The following PLD1 variants were observed in gnomAD, a reference collection of about 807,000 sequenced individuals.
PLD1 encodes phospholipase D1.
In PLD1, 112 loss-of-function variants were observed where a neutral mutation model predicts 137.1. The observed-to-expected ratio is 0.82, with a 90% CI of 0.70 to 0.96. The LOEUF is 0.96. Ranked by LOEUF, PLD1 falls within the 40% of genes least tolerant of loss-of-function variation. The pLI, the probability that PLD1 is intolerant of heterozygous loss-of-function variation, is 0.00. For missense variants in PLD1, 1,321 were observed against 1,342.0 expected (o/e 0.98, Z 0.24); for synonymous variants, 431 against 454.7 (o/e 0.95, Z 0.66).
intron 1 of PLD1, among the ~76,000 whole-genome samples, chr3:171,782,341 A>G (rs1234309450): frequency 1.3e-5 from 2 of 152,202 alleles, no homozygotes; most frequent in Non-Finnish European, 2.9e-5. Flanking sequence ...GAGGTGGTAC[A>G]TGCATTTTTC....
At chr3:171,746,983 G>T (rs1160196747) in intron 1 of PLD1, among the ~76,000 whole-genome samples, 2 of 152,162 alleles carry the variant, frequency 1.3e-5, no homozygotes, top group Non-Finnish European at 2.9e-5. Context: ...CATGGCAAAG[G>T]TCTGCAGTTT....
chr3:171,612,208 G>T lies in PLD1; in HGVS notation c.2882+71C>A. 7.0e-7 allele frequency: 1 copy of T among 1,432,246 alleles called. No homozygotes were observed. The highest frequency in any genetic ancestry group is 9.8e-7 in the Non-Finnish European group (1 of 1,025,478). 88.7% of individuals were successfully genotyped at this position (1,432,246 alleles called of 1,614,324 possible). On this transcript the variant is annotated intron_variant, in intron 25 of 26. Transcript: ENST00000351298. The surrounding 1 kb of genome is among the most constrained non-coding windows in gnomAD (Gnocchi z 4.1). ...ACCTAGGATGACCCATGTGCTCAGGGCTAGCGGGGCTGGGTCCCAGCGACT... is the reference window on the plus strand; with the variant it reads ...ACCTAGGATGACCCATGTGCTCAGGTCTAGCGGGGCTGGGTCCCAGCGACT...
chr3:171,795,174 G>T (rs1407736100), intron 1 of PLD1, among the ~76,000 whole-genome samples: 1 of 152,142 alleles, frequency 6.6e-6, no homozygotes, highest in African/African-American at 2.4e-5. Context: ...GTTCCATGAA[G>T]AATTTAACCA....
chr3:171,734,144 CTA>C (rs1296716011), intron 5 of PLD1, among the ~76,000 whole-genome samples: 1 of 152,152 alleles, frequency 6.6e-6, no homozygotes, highest in Non-Finnish European at 1.5e-5. Flanking sequence ...TAAACCAAAA[CTA>C]TATAATTTTA....
intron 1 of PLD1, among the ~76,000 whole-genome samples, chr3:171,769,590 AG>A (rs1322483329): frequency 2.6e-5 from 4 of 152,236 alleles, no homozygotes; most frequent in Admixed American, 2.6e-4. Flanking sequence ...CTACAGAGGC[AG>A]GGGCAATAAC....
chr3:171,695,121 C>A (rs749481), intron 12 of PLD1, among the ~76,000 whole-genome samples: 6,344 of 152,100 alleles, frequency 0.042, 426 homozygotes, highest in African/African-American at 0.14. Context: ...CCATAAAGGG[C>A]AAAGGCGAAT....
At chr3:171,728,338 C>T (rs936205607) in intron 6 of PLD1, among the ~76,000 whole-genome samples, 5 of 151,958 alleles carry the variant, frequency 3.3e-5, no homozygotes, top group African/African-American at 1.2e-4. Flanking sequence ...AAACAAAAAA[C>T]ACCTCAAGGT....
At chr3:171,767,248 G>T (rs56103027) in intron 1 of PLD1, among the ~76,000 whole-genome samples, 53,823 of 152,022 alleles carry the variant, frequency 0.35, 10,235 homozygotes, top group Middle Eastern at 0.62. Context: ...TCTCCATACG[G>T]CCTGGCCACT....
At chr3:171,785,561 C>T (rs1295432676) in intron 1 of PLD1, among the ~76,000 whole-genome samples, 1 of 152,106 alleles carries the variant, frequency 6.6e-6, no homozygotes, top group Non-Finnish European at 1.5e-5. Flanking sequence ...CCCTCAGCCT[C>T]CCGAGTAGCT....
intron 1 of PLD1, among the ~76,000 whole-genome samples, chr3:171,747,056 C>CT (rs1159554438): frequency 1.3e-5 from 2 of 152,034 alleles, no homozygotes; most frequent in African/African-American, 4.8e-5. Context: ...AGACGCGCCA[C>CT]TTTAAGAGCT....
At position 171,686,706 on chromosome 3, in the gene PLD1, C is replaced by T; in HGVS notation, c.1846G>A (p.Gly616Arg). 1.3e-6 allele frequency: 2 copies of T among 1,591,830 alleles called. No homozygotes were observed. The highest frequency in any genetic ancestry group is 2.2e-5 in the East Asian group (1 of 44,746). ...LFHPSSESEQ[G>R]LTRPHADTGS... ...TTACCAGCATGAGGTCTAGTGAGTC[C>T]TTGCTCAGACTCACTGGACGGGTGA... The change falls in exon 16 of 27, where the codon GGA (glycine) becomes AGA (arginine). Residue 616 changes from glycine to arginine, a missense_variant. Physicochemically the swap from Gly to Arg is moderately radical, Grantham distance 125. Transcript: ENST00000351298.
At chr3:171,736,522 G>T (rs1222003426) in intron 3 of PLD1, among the ~76,000 whole-genome samples, 1 of 152,158 alleles carries the variant, frequency 6.6e-6, no homozygotes. Context: ...GTATCAGGGA[G>T]ACATGGACCC....
chr3:171,810,179 G>T (rs1724056271), intron 1 of PLD1, among the ~76,000 whole-genome samples: 1 of 152,254 alleles, frequency 6.6e-6, no homozygotes, highest in African/African-American at 2.4e-5. Flanking sequence ...TGCCAGAGTT[G>T]TCAGCTTTCA....
At chr3:171,694,090 A>C (rs547265630) in intron 12 of PLD1, among the ~76,000 whole-genome samples, 2 of 152,206 alleles carry the variant, frequency 1.3e-5, no homozygotes, top group South Asian at 4.1e-4. Flanking sequence ...TAATAACACA[A>C]CACTTCAAAA....
chr3:171,804,136 A>T (rs1303302181), intron 1 of PLD1, among the ~76,000 whole-genome samples: 1 of 152,044 alleles, frequency 6.6e-6, no homozygotes, highest in East Asian at 1.9e-4. Context: ...GTATCTTCAG[A>T]GGACCACTGC....
At chr3:171,655,872 T>C (rs1244151897) in intron 21 of PLD1, among the ~76,000 whole-genome samples, 1 of 152,176 alleles carries the variant, frequency 6.6e-6, no homozygotes, top group Non-Finnish European at 1.5e-5. Context: ...AAAATGTGTC[T>C]GTCAAAAAAA....
At chr3:171,795,207 C>G (rs2108354161) in intron 1 of PLD1, among the ~76,000 whole-genome samples, 1 of 152,348 alleles carries the variant, frequency 6.6e-6, no homozygotes, top group South Asian at 2.1e-4. Flanking sequence ...TGCAAACTGA[C>G]AGGCCCACTC....
At chr3:171,634,690 C>G (rs2108343992) in intron 23 of PLD1, among the ~76,000 whole-genome samples, 1 of 152,252 alleles carries the variant, frequency 6.6e-6, no homozygotes. Flanking sequence ...TATACATGTA[C>G]TAAAAACTTG....
chr3:171,792,728 G>A, intron 1 of PLD1: 1 of 456,606 alleles, frequency 2.2e-6, no homozygotes, highest in Non-Finnish European at 4.4e-6. Flanking sequence ...TTTCTGCAGG[G>A]CACATACCAG....
Sources: allele counts gnomAD v4.1 joint callset (sites outside exome capture counted in the v4.1 genomes callset), GRCh38; gene constraint gnomAD v4.1.1; non-coding constraint Gnocchi (gnomAD v3.1); transcripts MANE v1.5; gene names NCBI Gene and HGNC (gene_info 2026-07-23, HGNC 2026-07-21).